The following TOGARAM2 variants were observed in gnomAD, a reference collection of about 807,000 sequenced individuals.
The protein encoded by TOGARAM2 is TOG array regulator of axonemal microtubules protein 2.
Under a neutral mutation model 93.3 loss-of-function variants are expected in TOGARAM2, and 85 were observed. The ratio of observed to expected loss-of-function variants is 0.91; its 90% confidence interval spans 0.76 to 1.09. The LOEUF (loss-of-function observed/expected upper bound fraction) is 1.09. Ranked by LOEUF, TOGARAM2 falls within the 50% of genes least tolerant of loss-of-function variation. The pLI is 0.00. For synonymous variants in TOGARAM2, 593 were observed against 552.8 expected (o/e 1.07, Z -1.02); for missense variants, 1,277 against 1,334.5 (o/e 0.96, Z 0.67).
At position 29,051,924 on chromosome 2, in the gene TOGARAM2, T is replaced by C; in HGVS notation, c.2891T>C (p.Met964Thr). Residue 964 changes from methionine to threonine, a missense_variant, in exon 20 of 20, where the codon ATG becomes ACG. Transcript: ENST00000379558. ...CTGTCCAGGAGCCTCCAGGAGCACA[T>C]GGGCTCCCGCCTGCTGGACTTTGCC... ...CRLSRSLQEH[M>T]GSRLLDFAAS... The C allele has an allele frequency of 6.3e-7, 1 of 1,597,858 alleles. No individual in the cohort carries two copies. Among genetic ancestry groups the C allele is most frequent in the Non-Finnish European group, 8.5e-7 (1 of 1,172,752 alleles).
chr2:29,015,863 A>G (rs905902927), intron 8 of TOGARAM2, among the ~76,000 whole-genome samples: 16 of 151,442 alleles, frequency 1.1e-4, no homozygotes, highest in African/African-American at 3.9e-4. Flanking sequence ...GGATGCTGGA[A>G]CTCCCCCAGC....
chr2:28,994,293 G>C (rs1012932075), intron 1 of TOGARAM2, among the ~76,000 whole-genome samples: 1 of 152,154 alleles, frequency 6.6e-6, no homozygotes, highest in African/African-American at 2.4e-5. Flanking sequence ...ACTGGTGTCC[G>C]AGAGGCCCCG....
chr2:29,045,834 T>C (rs1232547120), intron 19 of TOGARAM2: 1 of 265,280 alleles, frequency 3.8e-6, no homozygotes, highest in Non-Finnish European at 7.3e-6. Flanking sequence ...GAAGTACTTC[T>C]GGTACCAAAC....
intron 1 of TOGARAM2, among the ~76,000 whole-genome samples, chr2:28,966,098 A>G (rs1043625278): frequency 3.3e-5 from 5 of 151,538 alleles, no homozygotes; most frequent in East Asian, 3.9e-4. Context: ...TTTTGGCTCA[A>G]TGCAACCTTT....
At chr2:29,035,111 T>C (rs960143242) in intron 16 of TOGARAM2, among the ~76,000 whole-genome samples, 2 of 144,266 alleles carry the variant, frequency 1.4e-5, no homozygotes, top group Admixed American at 7.2e-5. Context: ...GATTGGGCCA[T>C]TAAACTCTAG....
chr2:28,977,445 A>G (rs1672053660), upstream of TOGARAM2, among the ~76,000 whole-genome samples: 7 of 152,130 alleles, frequency 4.6e-5, no homozygotes, highest in South Asian at 1.4e-3. Context: ...GGGCAACACC[A>G]GCCCAGGGGG....
rs774467751 is a variant in TOGARAM2, at chr2:29,002,702, G to T, written c.594G>T (p.Pro198=). 2 of 1,613,810 alleles carry T rather than the reference G, an allele frequency of 1.2e-6. No individual in the cohort carries two copies. The highest frequency in any genetic ancestry group is 2.7e-5 in the African/African-American group (2 of 74,926). The change falls in exon 5 of 20, where the codon CCG becomes CCT. Residue 198 remains proline, a synonymous_variant. Coordinates refer to ENST00000379558, the MANE Select transcript of TOGARAM2 (RefSeq NM_199280.4). ...SGVKEKGLDL[P]GSIPGPHELR... ...TCAAAGAGAAGGGCCTGGACCTACC[G>T]GGGAGCATTCCGGGTCCTCACGAGT...
At chr2:28,988,146 T>C (rs1572637786) in intron 1 of TOGARAM2, among the ~76,000 whole-genome samples, 1 of 152,114 alleles carries the variant, frequency 6.6e-6, no homozygotes, top group African/African-American at 2.4e-5. Flanking sequence ...GGCTTGGAAG[T>C]CCCGATAATC....
chr2:28,971,629 TC>T, intron 1 of TOGARAM2, among the ~76,000 whole-genome samples: 2 of 152,234 alleles, frequency 1.3e-5, no homozygotes, highest in Middle Eastern at 6.8e-3. Flanking sequence ...TGGTTTTGTT[TC>T]TTCTCTGAGA....
chr2:29,013,565 C>T (rs1664379852), intron 7 of TOGARAM2, among the ~76,000 whole-genome samples: 1 of 152,194 alleles, frequency 6.6e-6, no homozygotes, highest in South Asian at 2.1e-4. Flanking sequence ...GTGCAAGTCT[C>T]AGAGTCCAAA....
intron 4 of TOGARAM2, among the ~76,000 whole-genome samples, chr2:28,999,881 G>A (rs960554334): frequency 6.6e-6 from 1 of 152,172 alleles, no homozygotes; most frequent in African/African-American, 2.4e-5. Flanking sequence ...TCTGCCTTCG[G>A]TCTCTGCTGT....
In TOGARAM2 at chr2:29,032,983, G is replaced by C. The variant is rs371927969; in HGVS notation, c.2062G>C (p.Asp688His). ...VNILMANTKF[D>H]AFLKQSLPSY... ...TATCTTGATGGCGAACACTAAGTTT[G>C]ATGCATTTCTGAAGCAATCTCTCCC... Residue 688 changes from aspartate (D) to histidine (H), a missense_variant, in exon 15 of 20, where the codon GAT becomes CAT. Transcript: ENST00000379558. 2.5e-6 allele frequency: 4 copies of C among 1,613,816 alleles called. No individual in the cohort carries two copies. Among genetic ancestry groups the C allele is most frequent in the African/African-American group, 2.7e-5 (2 of 74,930 alleles).
upstream of TOGARAM2, among the ~76,000 whole-genome samples, chr2:28,978,744 A>G (rs1170882362): frequency 1.3e-5 from 2 of 151,986 alleles, no homozygotes; most frequent in African/African-American, 2.4e-5. Context: ...CACATCAAGT[A>G]TTTGTTCATC....
upstream of TOGARAM2, among the ~76,000 whole-genome samples, chr2:28,980,317 C>T (rs564008693): frequency 1.8e-3 from 275 of 152,274 alleles, 2 homozygotes; most frequent in Non-Finnish European, 9.4e-4. Context: ...GGAGAGAGTC[C>T]CAGGAAGGAG....
Position 29,035,530 on chromosome 2 carries a change from G to A in TOGARAM2, c.2292G>A (p.Val764=), listed in dbSNP as rs1666043353. The change falls in exon 17 of 20, where the codon GTG becomes GTA. Residue 764 remains valine (V), a synonymous_variant. Coordinates refer to ENST00000379558, the MANE Select transcript of TOGARAM2 (RefSeq NM_199280.4). ...CACTGCAGGGCCGCGGGGAGATGGT[G>A]GAGCAGCTACGGGAGCTGACACGGC... The part of the protein sequence containing the change: ...RSTLQGRGEM[V]EQLRELTRLL... 1 of 1,570,162 alleles carries A rather than the reference G, an allele frequency of 6.4e-7. No individual in the cohort carries two copies. Among genetic ancestry groups the A allele is most frequent in the Non-Finnish European group, 8.6e-7 (1 of 1,157,912 alleles).
intron 10 of TOGARAM2, chr2:29,018,618 A>G (rs1664743574): frequency 6.6e-6 from 1 of 152,252 alleles, no homozygotes; most frequent in Non-Finnish European, 1.5e-5. Context: ...GGACTAGAGC[A>G]TAATTTCCAT....
chr2:29,040,990 C>T (rs1046461629), intron 18 of TOGARAM2, among the ~76,000 whole-genome samples: 7 of 151,148 alleles, frequency 4.6e-5, no homozygotes, highest in Non-Finnish European at 1.0e-4. Context: ...AAAATCATAG[C>T]ATAAGCATTT....
intron 19 of TOGARAM2, chr2:29,047,873 G>A (rs1228242722): frequency 3.9e-5 from 6 of 152,102 alleles, no homozygotes; most frequent in Admixed American, 3.3e-4. Flanking sequence ...TAGCAGGATG[G>A]GGAAGGAGGC....
intron 1 of TOGARAM2, among the ~76,000 whole-genome samples, chr2:28,989,118 C>T (rs1672595403): frequency 6.6e-6 from 1 of 152,276 alleles, no homozygotes; most frequent in African/African-American, 2.4e-5. Flanking sequence ...GGTGTGATCT[C>T]AGCTCACTGC....
Sources: allele counts gnomAD v4.1 joint callset (sites outside exome capture counted in the v4.1 genomes callset), GRCh38; gene constraint gnomAD v4.1.1; transcripts MANE v1.5; gene names NCBI Gene and HGNC (gene_info 2026-07-23, HGNC 2026-07-21).